Variants in FHL2 observed in about 807,000 individuals in gnomAD.
FHL2 encodes four and a half LIM domains protein 2.
Under a neutral mutation model 32.7 loss-of-function variants are expected in FHL2, and 20 were observed. The ratio of observed to expected loss-of-function variants is 0.61; its 90% CI spans 0.43 to 0.89. The LOEUF is 0.89. Ranked by LOEUF, FHL2 falls within the 40% of genes least tolerant of loss-of-function variation. The probability of loss-of-function intolerance (pLI) is 0.00; values close to 1 mark genes in which losing one functional copy is unlikely to be tolerated. For missense variants in FHL2, 311 were observed against 358.6 expected (o/e 0.87, Z 1.07); for synonymous variants, 123 against 128.1 (o/e 0.96, Z 0.27).
intron 1 of FHL2, among the ~76,000 whole-genome samples, chr2:105,413,478 A>C (rs2104658668): frequency 6.7e-6 from 1 of 149,894 alleles, no homozygotes. Flanking sequence ...CAGAAAAAAA[A>C]AACAGTTTAC....
At chr2:105,418,918 A>G (rs191495757) in intron 1 of FHL2, among the ~76,000 whole-genome samples, 1 of 152,246 alleles carries the variant, frequency 6.6e-6, no homozygotes, top group African/African-American at 2.4e-5. Flanking sequence ...TATCATATGT[A>G]TGTATACACA....
At chr2:105,396,950 G>A in intron 1 of FHL2, 1 of 448,560 alleles carries the variant, frequency 2.2e-6, no homozygotes, top group Non-Finnish European at 3.9e-6. Context: ...CTGAGTCACT[G>A]AGGCTGAGTA....
intron 1 of FHL2, among the ~76,000 whole-genome samples, chr2:105,426,272 G>A (rs1047947825): frequency 2.0e-5 from 3 of 152,196 alleles, no homozygotes; most frequent in African/African-American, 7.2e-5. Context: ...TGTGCATTCT[G>A]TCTTAGCCAC....
intron 3 of FHL2, among the ~76,000 whole-genome samples, chr2:105,384,177 GC>G (rs1288383967): frequency 6.6e-6 from 1 of 152,140 alleles, no homozygotes; most frequent in Non-Finnish European, 1.5e-5. Context: ...CTTACCTTTT[GC>G]CAGATGATAT....
chr2:105,421,541 T>C (rs895475347), intron 1 of FHL2, among the ~76,000 whole-genome samples: 1 of 152,114 alleles, frequency 6.6e-6, no homozygotes, highest in African/African-American at 2.4e-5. Flanking sequence ...CCATTTTTTG[T>C]TGTTGTTGTT....
chr2:105,411,119 A>G (rs1683775611), intron 1 of FHL2, among the ~76,000 whole-genome samples: 1 of 152,228 alleles, frequency 6.6e-6, no homozygotes, highest in Admixed American at 6.5e-5. Context: ...CTCTGTGGAC[A>G]CAGGTGTGTG....
At chr2:105,388,003 G>A (rs1390662088) in intron 2 of FHL2, among the ~76,000 whole-genome samples, 1 of 152,164 alleles carries the variant, frequency 6.6e-6, no homozygotes, top group Non-Finnish European at 1.5e-5. Context: ...ACTAATGCAG[G>A]AACAGAAAGC....
At chr2:105,412,382 G>A (rs889794189) in intron 1 of FHL2, among the ~76,000 whole-genome samples, 1 of 152,122 alleles carries the variant, frequency 6.6e-6, no homozygotes, top group Non-Finnish European at 1.5e-5. Context: ...ATAATCATCA[G>A]GAAAATAGAA....
chr2:105,376,566 G>T (rs1681487627), intron 3 of FHL2: 1 of 152,222 alleles, frequency 6.6e-6, no homozygotes, highest in Non-Finnish European at 1.5e-5. Context: ...AATGCTGATT[G>T]TGGAAGAAAT....
At chr2:105,411,387 A>G (rs969063099) in intron 1 of FHL2, among the ~76,000 whole-genome samples, 9 of 152,170 alleles carry the variant, frequency 5.9e-5, no homozygotes, top group Admixed American at 5.9e-4. Context: ...AAAAAAAAGT[A>G]TAATGTACAA....
intron 1 of FHL2, among the ~76,000 whole-genome samples, chr2:105,417,289 G>A (rs1683961500): frequency 6.6e-6 from 1 of 152,048 alleles, no homozygotes; most frequent in Admixed American, 6.5e-5. Flanking sequence ...GGCTGAGGCA[G>A]GAGAATCGCT....
At chr2:105,420,437 C>T (rs1376336874) in intron 1 of FHL2, among the ~76,000 whole-genome samples, 3 of 152,152 alleles carry the variant, frequency 2.0e-5, no homozygotes, top group Admixed American at 2.0e-4. Context: ...TCGGTAACAA[C>T]CCCATTTCCG....
chr2:105,382,996 C>T (rs752899132), intron 3 of FHL2, among the ~76,000 whole-genome samples: 2 of 152,208 alleles, frequency 1.3e-5, no homozygotes, highest in African/African-American at 4.8e-5. Flanking sequence ...AATGATTCTC[C>T]TGCCTCAGCC....
chr2:105,434,782 CT>C (rs954541058), intron 1 of FHL2, among the ~76,000 whole-genome samples: 110 of 148,986 alleles, frequency 7.4e-4, no homozygotes, highest in African/African-American at 2.4e-3. Flanking sequence ...TAAATTTCAA[CT>C]TTTTTTTTTA....
In FHL2 at chr2:105,423,623, C is replaced by T. The variant is rs541751916; in HGVS notation, c.-25+14776G>A. Among the ~76,000 whole-genome samples the T allele has an allele frequency of 5.3e-5, 8 of 152,280 alleles. No homozygotes were observed. In the South Asian group the frequency reaches 1.5e-3, roughly 28 times the overall value. On this transcript the variant is annotated intron_variant, in intron 1 of 5. Coordinates refer to the FHL2 transcript ENST00000393352. ...TTCCATCACACTACCTGACTTCAAA[C>T]TATATTACAAGGCTACAGTAACAAA...
At chr2:105,438,311 A>C (rs1684674488) in intron 1 of FHL2, 1 of 963,556 alleles carries the variant, frequency 1.0e-6, no homozygotes, top group Non-Finnish European at 1.2e-6. Flanking sequence ...CTCTGCATGC[A>C]ACAAGATGCC....
intron 3 of FHL2, among the ~76,000 whole-genome samples, chr2:105,384,205 C>T (rs1682121312): frequency 1.3e-5 from 2 of 152,170 alleles, no homozygotes; most frequent in African/African-American, 2.4e-5. Context: ...CTCTCACCTA[C>T]GTAAGTATTT....
In FHL2 at chr2:105,363,347, C is replaced by G; in HGVS notation, c.626G>C (p.Cys209Ser). Reference protein sequence around the residue: ...RFTARDDFAYCLNCFCDLYAK... With the variant: ...RFTARDDFAYSLNCFCDLYAK... ...ATACAAGTCACAGAAGCAGTTCAGG[C>G]AGTAGGCAAAGTCATCGCGAGCTGT... The change falls in exon 6 of 7, where the codon TGC becomes TCC. Residue 209 changes from cysteine to serine, a missense_variant. Cys to Ser is a moderately radical substitution (Grantham distance 112). Transcript: ENST00000530340. The G allele has an allele frequency of 6.2e-7, 1 of 1,614,228 alleles. No homozygotes were observed. Among genetic ancestry groups the G allele is most frequent in the Non-Finnish European group, 8.5e-7 (1 of 1,180,048 alleles).
At chr2:105,399,063 C>T, upstream of FHL2, 1 of 1,493,670 alleles carries the variant, frequency 6.7e-7, no homozygotes, top group Non-Finnish European at 8.9e-7. Flanking sequence ...GAGCGCTGCG[C>T]AGCTCCCGCC....
Sources: allele counts gnomAD v4.1 joint callset (sites outside exome capture counted in the v4.1 genomes callset), GRCh38; gene constraint gnomAD v4.1.1; transcripts MANE v1.5; gene names NCBI Gene and HGNC (gene_info 2026-07-23, HGNC 2026-07-21).